DECR1: variants seen among roughly 807,000 people sequenced by gnomAD.
The protein encoded by DECR1 is 2,4-dienoyl-CoA reductase [(3E)-enoyl-CoA-producing], mitochondrial.
In DECR1, 44 loss-of-function variants were observed where a neutral mutation model predicts 38.8. The observed-to-expected ratio is 1.13, with a 90% CI of 0.89 to 1.46. The LOEUF (loss-of-function observed/expected upper bound fraction) is 1.46. DECR1 is among the 40% of genes most tolerant of loss of function. DECR1 has a pLI of 0.00. For synonymous variants in DECR1, 148 were observed against 135.2 expected (o/e 1.09, Z -0.66); for missense variants, 428 against 405.5 (o/e 1.06, Z -0.48).
intron 5 of DECR1, among the ~76,000 whole-genome samples, chr8:90,034,368 A>T (rs1813567342): frequency 1.3e-5 from 2 of 152,280 alleles, no homozygotes; most frequent in South Asian, 2.1e-4. Context: ...AATAAATAAG[A>T]AGTAGAGAAA....
At chr8:90,023,648 T>C (rs1405232464) in intron 5 of DECR1, among the ~76,000 whole-genome samples, 1 of 152,118 alleles carries the variant, frequency 6.6e-6, no homozygotes, top group Non-Finnish European at 1.5e-5. Flanking sequence ...AATTATGATT[T>C]ACCTGTAAAT....
chr8:90,029,768 C>G (rs1813449211), intron 5 of DECR1, among the ~76,000 whole-genome samples: 1 of 152,224 alleles, frequency 6.6e-6, no homozygotes. Flanking sequence ...TTGTACTTGG[C>G]CAGTTACTCT....
intron 5 of DECR1, among the ~76,000 whole-genome samples, chr8:90,021,689 G>A (rs538334498): frequency 2.8e-4 from 43 of 152,278 alleles, no homozygotes; most frequent in Middle Eastern, 3.4e-3. Flanking sequence ...CTTTTAGCAG[G>A]TGGCTAGATT....
At chr8:90,026,231 G>A (rs1813333355) in intron 5 of DECR1, among the ~76,000 whole-genome samples, 1 of 152,194 alleles carries the variant, frequency 6.6e-6, no homozygotes, top group Non-Finnish European at 1.5e-5. Context: ...GATGATACTG[G>A]CCTCATAAAA....
chr8:90,016,048 A>G (rs1208733938), intron 1 of DECR1, among the ~76,000 whole-genome samples: 2 of 152,194 alleles, frequency 1.3e-5, no homozygotes, highest in African/African-American at 4.8e-5. Context: ...ATTAAATGCG[A>G]GAGAATGGCA....
chr8:90,050,238 G>A (rs1306511313), intron 8 of DECR1, among the ~76,000 whole-genome samples: 1 of 152,094 alleles, frequency 6.6e-6, no homozygotes, highest in Non-Finnish European at 1.5e-5. Flanking sequence ...GAGTGAACAG[G>A]CAACCTACAG....
chr8:90,012,680 TG>T lies in DECR1; in HGVS notation c.70-4443del, dbSNP rs564475657. ...AAGCATTTACCGAATGCCTAACTGG[TG>T]CCAGAAACTGTACTATAGTGATGAA... On this transcript the variant is annotated intron_variant, in intron 1 of 9. Coordinates refer to ENST00000220764, the MANE Select transcript of DECR1 (RefSeq NM_001359.2). Among the ~76,000 whole-genome samples the T allele has an allele frequency of 4.6e-3, 696 of 152,302 alleles. 9 individuals are homozygous for T. The highest frequency in any genetic ancestry group is 0.029 in the South Asian group (139 of 4,830).
intron 6 of DECR1, 189 bp from the exon 7 acceptor site, chr8:90,042,539 C>A: frequency 1.7e-6 from 1 of 590,164 alleles, no homozygotes; most frequent in Non-Finnish European, 3.0e-6. Flanking sequence ...GGCCATATGA[C>A]ATAGAGAAAA....
intron 4 of DECR1, among the ~76,000 whole-genome samples, chr8:90,019,714 C>A (rs1422330425): frequency 6.6e-6 from 1 of 152,110 alleles, no homozygotes; most frequent in African/African-American, 2.4e-5. Flanking sequence ...AACTCTGCCT[C>A]CAGAGTTAGG....
intron 6 of DECR1, among the ~76,000 whole-genome samples, chr8:90,038,578 C>G (rs1813673871): frequency 6.6e-6 from 1 of 151,494 alleles, no homozygotes; most frequent in Non-Finnish European, 1.5e-5. Context: ...CCTGCCTCAG[C>G]CTTCCAAGGA....
chr8:90,021,289 G>A (rs1316071355), intron 5 of DECR1, among the ~76,000 whole-genome samples: 1 of 152,226 alleles, frequency 6.6e-6, no homozygotes, highest in Non-Finnish European at 1.5e-5. Flanking sequence ...TCTCCCTAGG[G>A]TCAGTGATCA....
rs1400925751 is a variant in DECR1 at position 90,053,057 on chromosome 8, A to G, written c.*1160A>G. ...TTGGAATAAGTGGCCCAACATTTCC[A>G]ATTATACTGACTTTCACTGGGCTTT... On this transcript the variant is annotated 3_prime_UTR_variant, in exon 10 of 10. Transcript: ENST00000220764. 6.6e-6 allele frequency among the ~76,000 whole-genome samples: 1 copy of G among 152,196 alleles called. No homozygotes were observed. The highest frequency in any genetic ancestry group is 1.9e-4 in the East Asian group (1 of 5,198).
rs1232628289 is a variant in DECR1 at position 90,052,695 on chromosome 8, A to G, written c.*798A>G. ...AAGAAAGCCTATAAAATATTTTTGT[A>G]TATCATTTGATTAAATTTCATCTTT... On this transcript the variant is annotated 3_prime_UTR_variant, in exon 10 of 10. Coordinates refer to ENST00000220764, the MANE Select transcript of DECR1 (RefSeq NM_001359.2). Among the ~76,000 whole-genome samples the G allele has an allele frequency of 1.3e-5, 2 of 152,170 alleles. No homozygotes were observed. Among genetic ancestry groups the G allele is most frequent in the South Asian group, 2.1e-4 (1 of 4,832 alleles).
At chr8:90,028,146 T>G (rs1813401308) in intron 5 of DECR1, among the ~76,000 whole-genome samples, 1 of 152,138 alleles carries the variant, frequency 6.6e-6, no homozygotes, top group Non-Finnish European at 1.5e-5. Flanking sequence ...AGGTGATAGG[T>G]TGGCTACAGC....
At chr8:90,012,913 T>A (rs556730429) in intron 1 of DECR1, among the ~76,000 whole-genome samples, 4 of 152,264 alleles carry the variant, frequency 2.6e-5, no homozygotes, top group Admixed American at 1.3e-4. Context: ...TTCAGGCCAA[T>A]GAGAAAGCAG....
At chr8:90,040,232 C>T (rs2130139668) in intron 6 of DECR1, among the ~76,000 whole-genome samples, 1 of 152,180 alleles carries the variant, frequency 6.6e-6, no homozygotes, top group Non-Finnish European at 1.5e-5. Flanking sequence ...AATAAATGCC[C>T]AGGGTAGCTA....
Position 90,013,046 on chromosome 8 carries a change from G to A in DECR1, c.70-4078G>A, listed in dbSNP as rs899169557. Among the ~76,000 whole-genome samples, 8 of 152,174 alleles carry A rather than the reference G, an allele frequency of 5.3e-5. No homozygotes were observed. In the East Asian group the frequency reaches 7.7e-4, roughly 15 times the overall value. ...GGTGGGGCTAGGAAAGTATTAATAC[G>A]TTGGCACCATATTGTCCAGTGGCTT... On this transcript the variant is annotated intron_variant, in intron 1 of 9. Transcript: ENST00000220764.
At chr8:90,049,056 A>C (rs1166752794) in intron 8 of DECR1, among the ~76,000 whole-genome samples, 1 of 152,214 alleles carries the variant, frequency 6.6e-6, no homozygotes, top group Non-Finnish European at 1.5e-5. Context: ...AATAAGAGCT[A>C]TTTATGACAA....
intron 5 of DECR1, among the ~76,000 whole-genome samples, chr8:90,027,616 G>T (rs1813383300): frequency 6.6e-6 from 1 of 152,040 alleles, no homozygotes; most frequent in South Asian, 2.1e-4. Context: ...GTGTGTCTCT[G>T]CAGGTGAGAT....
Sources: allele counts gnomAD v4.1 joint callset (sites outside exome capture counted in the v4.1 genomes callset), GRCh38; gene constraint gnomAD v4.1.1; transcripts MANE v1.5; gene names NCBI Gene and HGNC (gene_info 2026-07-23, HGNC 2026-07-21).